ARFGAP2: variants seen among roughly 807,000 people sequenced by gnomAD.
ARFGAP2 encodes the protein ARF GTPase activating protein 2.
Under a neutral mutation model 71.9 loss-of-function variants are expected in ARFGAP2, and 45 were observed. The observed-to-expected ratio is 0.63, with a 90% confidence interval of 0.49 to 0.80. ARFGAP2 has a LOEUF of 0.80. Ranked by LOEUF, ARFGAP2 falls within the 30% of genes least tolerant of loss-of-function variation. The probability of loss-of-function intolerance (pLI) is 0.00; values close to 1 mark genes in which losing one functional copy is unlikely to be tolerated. For synonymous variants in ARFGAP2, 248 were observed against 249.2 expected (o/e 1.00, Z 0.05); for missense variants, 633 against 673.9 (o/e 0.94, Z 0.67).
rs1952305759 is a variant in ARFGAP2, at chr11:47,165,361, C to CA, written c.*120dup. ...AGCGCCTCAAAGGCCACCCCACACA[C>CA]ACACCACACATACGAAGTAACAAAT... On this transcript the variant is annotated 3_prime_UTR_variant, in exon 16 of 16. Coordinates refer to ENST00000524782, the MANE Select transcript of ARFGAP2 (RefSeq NM_032389.6). 7.4e-7 allele frequency: 1 copy of CA among 1,347,016 alleles called. No individual in the cohort carries two copies. Among genetic ancestry groups the CA allele is most frequent in the South Asian group, 1.5e-5 (1 of 67,420 alleles). The allele number at this position is 1,347,016 out of a possible 1,614,324, so 83.4% of individuals were successfully genotyped here.
chr11:47,175,117 C>T lies in ARFGAP2; in HGVS notation c.397-19G>A. 6.2e-7 allele frequency: 1 copy of T among 1,614,072 alleles called. No homozygotes were observed. Among genetic ancestry groups the T allele is most frequent in the Non-Finnish European group, 8.5e-7 (1 of 1,180,022 alleles). On this transcript the variant is annotated intron_variant, in intron 4 of 15. Transcript: ENST00000524782. ...TCCAAAGCTAGAAAGGAGAAGACAC[C>T]CCTAAAACACAGGGCTCTGAATACT...
At chr11:47,175,515 C>T (rs1646044261) in intron 3 of ARFGAP2, 6 of 797,060 alleles carry the variant, frequency 7.5e-6, no homozygotes, top group Non-Finnish European at 1.2e-5. Flanking sequence ...TCTGATATGA[C>T]TGAAGTCCAG....
intron 7 of ARFGAP2, among the ~76,000 whole-genome samples, 198 bp from the exon 8 acceptor site, chr11:47,172,531 A>T (rs751070813): frequency 4.6e-5 from 7 of 152,372 alleles, no homozygotes; most frequent in Non-Finnish European, 1.0e-4. Flanking sequence ...GGCACCCAGC[A>T]GAGTGAGACA....
chr11:47,170,641 T>C (rs1161437444), intron 10 of ARFGAP2, among the ~76,000 whole-genome samples: 1 of 152,048 alleles, frequency 6.6e-6, no homozygotes, highest in Non-Finnish European at 1.5e-5. Flanking sequence ...AGTGAGACTT[T>C]GTCTCAAAAA....
Position 47,166,316 on chromosome 11 carries a change from C to T in ARFGAP2, c.1497G>A (p.Val499=). 1 of 1,614,250 alleles carries T rather than the reference C, an allele frequency of 6.2e-7. No individual in the cohort carries two copies. The highest frequency in any genetic ancestry group is 8.5e-7 in the Non-Finnish European group (1 of 1,180,044). ...TGGCCAGCACAGCCATTTTCCCAGC[C>T]ACAGACTTGACACCCTGCTTAAACT... ...IAQFKQGVKS[V]AGKMAVLANG... The change falls in exon 15 of 16, where the codon GTG becomes GTA. Residue 499 remains valine (V), a synonymous_variant. Transcript: ENST00000524782.
At chr11:47,173,313 T>C in intron 7 of ARFGAP2, 113 bp downstream of exon 7, 1 of 1,219,212 alleles carries the variant, frequency 8.2e-7, no homozygotes, top group Non-Finnish European at 1.2e-6. Context: ...ATCAGATAGA[T>C]GCTCAGTCTC....
Position 47,175,254 on chromosome 11 carries a change from G to A in ARFGAP2, c.324C>T (p.Ser108=). ...TCTCCCGGTACATCTGGGCAGCTCGGCTATTATATTTGGTGTTGGCATCAT... is the reference window on the plus strand; with the variant it reads ...TCTCCCGGTACATCTGGGCAGCTCGACTATTATATTTGGTGTTGGCATCAT... The part of the protein sequence containing the change: ...TANDANTKYN[S]RAAQMYREKI... The change falls in exon 4 of 16, where the codon AGC becomes AGT. Residue 108 remains serine (S), a synonymous_variant. Transcript: ENST00000524782. 1 of 1,614,110 alleles carries A rather than the reference G, an allele frequency of 6.2e-7. No homozygotes were observed. Among genetic ancestry groups the A allele is most frequent in the Non-Finnish European group, 8.5e-7 (1 of 1,180,012 alleles).
At chr11:47,167,036 C>G in intron 12 of ARFGAP2, 150 bp from the exon 13 acceptor site, 1 of 1,046,620 alleles carries the variant, frequency 9.6e-7, no homozygotes, top group Non-Finnish European at 1.4e-6. Flanking sequence ...GCCCCTCTCC[C>G]CTGGTGAGGA....
In ARFGAP2 at chr11:47,175,319, G is replaced by A. The variant is rs751213631; in HGVS notation, c.265-6C>T. 6 of 1,614,072 alleles carry A rather than the reference G, an allele frequency of 3.7e-6. No individual in the cohort carries two copies. Among genetic ancestry groups the A allele is most frequent in the Non-Finnish European group, 5.1e-6 (6 of 1,180,014 alleles). ...TGTTGGCGAAAAAAAGCCGTCTGGA[G>A]AGCAAAGAAGAGAGCAGCGCGTGCT... On this transcript the variant is annotated splice_region_variant and splice_polypyrimidine_tract_variant and intron_variant, in intron 3 of 15. Coordinates refer to ENST00000524782, the MANE Select transcript of ARFGAP2 (RefSeq NM_032389.6).
In ARFGAP2 at chr11:47,176,639, G is replaced by A. The variant is rs752068842; in HGVS notation, c.73-5C>T. The A allele has an allele frequency of 1.3e-5, 21 of 1,614,016 alleles. No homozygotes were observed. The South Asian group carries it at 1.5e-4, about 12-fold the overall frequency. ...GGCGCCGCAGTCGAAACAGGCCTGG[G>A]TGGAGGCGGCGATGAGCGAATCGTC... On this transcript the variant is annotated splice_polypyrimidine_tract_variant and splice_region_variant and intron_variant, in intron 1 of 15. Coordinates refer to ENST00000524782, the MANE Select transcript of ARFGAP2 (RefSeq NM_032389.6).
At chr11:47,176,458 T>A in intron 2 of ARFGAP2, 58 bp downstream of exon 2, 2 of 1,518,472 alleles carry the variant, frequency 1.3e-6, no homozygotes, top group Non-Finnish European at 1.8e-6. Context: ...CTCTCCCTTG[T>A]TGCCCAGACA....
Position 47,176,863 on chromosome 11 carries a change from T to C in ARFGAP2, c.-10A>G, listed in dbSNP as rs1412341863. The C allele has an allele frequency of 6.2e-7, 1 of 1,612,412 alleles. No homozygotes were observed. Among genetic ancestry groups the C allele is most frequent in the South Asian group, 1.1e-5 (1 of 91,044 alleles). On this transcript the variant is annotated 5_prime_UTR_variant, in exon 1 of 16. Coordinates refer to ENST00000524782, the MANE Select transcript of ARFGAP2 (RefSeq NM_032389.6). ...TCGGCTCCGCCGCCATTTTCTCTCC[T>C]TCCCAGACACAACCGCGGCTGACGG...
In ARFGAP2 at chr11:47,175,072, G is replaced by A. The variant is rs766768430; in HGVS notation, c.423C>T (p.Ala141=). The A allele has an allele frequency of 2.3e-5, 37 of 1,614,018 alleles. No individual in the cohort carries two copies. The Admixed American group carries it at 4.2e-4, about 18-fold the overall frequency. ...TCTTCTCTGGGGAGTGATTAGGAACGGCACTACTCATGTTGTCTATCCAAA... is the reference window on the plus strand; with the variant it reads ...TCTTCTCTGGGGAGTGATTAGGAACAGCACTACTCATGTTGTCTATCCAAA... The part of the protein sequence containing the change: ...TDLWIDNMSS[A]VPNHSPEKKD... The change falls in exon 5 of 16, where the codon GCC becomes GCT. Residue 141 remains alanine, a synonymous_variant. Coordinates refer to ENST00000524782, the MANE Select transcript of ARFGAP2 (RefSeq NM_032389.6).
rs1952399510 is a variant in ARFGAP2 at position 47,166,779 on chromosome 11, C to A, written c.1313G>T (p.Gly438Val). Reference sequence around the variant, plus strand: ...ACTTACCTCTGCATCCACCTCCCGCCCAAAGAACATGTCAGATGAGATGGC... The same window carrying A: ...ACTTACCTCTGCATCCACCTCCCGCACAAAGAACATGTCAGATGAGATGGC... The part of the protein sequence containing the change: ...AKAISSDMFF[G>V]REVDAEYEAR... Residue 438 changes from glycine (G) to valine (V), a missense_variant, in exon 13 of 16, where the codon GGG (glycine) becomes GTG (valine). Transcript: ENST00000524782. 6.2e-7 allele frequency: 1 copy of A among 1,613,762 alleles called. No homozygotes were observed. The highest frequency in any genetic ancestry group is 1.3e-5 in the African/African-American group (1 of 74,952).
chr11:47,167,680 GC>G (rs972209586), intron 12 of ARFGAP2, among the ~76,000 whole-genome samples: 3 of 152,146 alleles, frequency 2.0e-5, no homozygotes, highest in African/African-American at 7.2e-5. Context: ...GCCACTGGTG[GC>G]TATTTACGTT....
At chr11:47,171,825 C>A (rs774140127) in intron 8 of ARFGAP2, 25 bp from the exon 9 acceptor site, 4 of 1,611,222 alleles carry the variant, frequency 2.5e-6, no homozygotes, top group Admixed American at 3.3e-5. Context: ...ATGTAAGGGG[C>A]CTTCCCAATC....
chr11:47,174,271 T>G (rs1952708968), intron 5 of ARFGAP2: 3 of 188,468 alleles, frequency 1.6e-5, no homozygotes, highest in African/African-American at 4.7e-5. Flanking sequence ...AAGCCAAGAG[T>G]CTAACTTCAG....
Position 47,164,356 on chromosome 11 carries a change from TTG to T in ARFGAP2, c.*1124_*1125del. 1 of 1,248,938 alleles carries T rather than the reference TTG, an allele frequency of 8.0e-7. No homozygotes were observed. Among genetic ancestry groups the T allele is most frequent in the Non-Finnish European group, 1.1e-6 (1 of 919,818 alleles). 77.4% of individuals were successfully genotyped at this position (1,248,938 alleles called of 1,614,324 possible). ...GCAGGGGCTTTATTTTGACACCACT[TTG>T]TTTCAATACAAACAGTCCAGAAAGA... On this transcript the variant is annotated 3_prime_UTR_variant, in exon 16 of 16. Transcript: ENST00000524782.
At position 47,172,859 on chromosome 11, in the gene ARFGAP2, C is replaced by T. The variant is rs1952657029; in HGVS notation, c.620-526G>A. Reference sequence around the variant, plus strand: ...AGCCCTGCTTCAGACCAAGCTATGCCAGCCTTCTCATGGATCAGTCTGACA... The same window carrying T: ...AGCCCTGCTTCAGACCAAGCTATGCTAGCCTTCTCATGGATCAGTCTGACA... On this transcript the variant is annotated intron_variant, in intron 7 of 15. Coordinates refer to ENST00000524782, the MANE Select transcript of ARFGAP2 (RefSeq NM_032389.6). 5 of 1,054,030 alleles carry T rather than the reference C, an allele frequency of 4.7e-6. No homozygotes were observed. The African/African-American group carries it at 8.2e-5, about 17-fold the overall frequency. The allele number at this position is 1,054,030 out of a possible 1,614,324, so 65.3% of individuals were successfully genotyped here.
Sources: allele counts gnomAD v4.1 joint callset (sites outside exome capture counted in the v4.1 genomes callset), GRCh38; gene constraint gnomAD v4.1.1; transcripts MANE v1.5; gene names NCBI Gene and HGNC (gene_info 2026-07-23, HGNC 2026-07-21).